Variants in PLA2G4E observed in about 807,000 individuals in gnomAD.
PLA2G4E encodes cytosolic phospholipase A2 epsilon.
Under a neutral mutation model 109.1 loss-of-function variants are expected in PLA2G4E, and 84 were observed. That is an observed-to-expected ratio of 0.77 (90% confidence interval 0.65 to 0.92). The LOEUF (loss-of-function observed/expected upper bound fraction) is 0.92. Ranked by LOEUF, PLA2G4E falls within the 40% of genes least tolerant of loss-of-function variation. The pLI is 0.00. For missense variants in PLA2G4E, 1,057 were observed against 1,076.6 expected, an observed-to-expected ratio of 0.98 and a Z score of 0.25; for synonymous variants, 469 against 436.1, an observed-to-expected ratio of 1.08 and a Z score of -0.94.
At chr15:42,013,589 A>G (rs2068559402) in intron 2 of PLA2G4E, 96 bp downstream of exon 2, 4 of 1,228,022 alleles carry the variant, frequency 3.3e-6, no homozygotes, top group African/African-American at 1.5e-5. Flanking sequence ...GCGCGCGCAC[A>G]CACACACACG....
chr15:42,007,837 G>C, exon 3 of PLA2G4E: 1 of 1,607,702 alleles, frequency 6.2e-7, no homozygotes, highest in Non-Finnish European at 8.5e-7. Flanking sequence ...TGGGCAGCCA[G>C]AGGCTCACAA....
chr15:42,048,432 T>G (rs999353964), intron 1 of PLA2G4E, among the ~76,000 whole-genome samples: 3 of 152,248 alleles, frequency 2.0e-5, no homozygotes, highest in African/African-American at 7.2e-5. Flanking sequence ...TTTTAGAAAT[T>G]ACTTTACACA....
intron 10 of PLA2G4E, chr15:41,997,559 C>T: frequency 4.9e-6 from 1 of 205,696 alleles, no homozygotes; most frequent in East Asian, 1.1e-4. Flanking sequence ...TTTGAGTCCT[C>T]TGTCTCCTCG....
chr15:41,997,081 A>G (rs776908419), intron 11 of PLA2G4E, 43 bp downstream of exon 11: 1 of 1,520,862 alleles, frequency 6.6e-7, no homozygotes, highest in Admixed American at 2.0e-5. Context: ...TGGTGCTGGA[A>G]GGACCAGCTG....
chr15:42,010,214 T>C (rs1378493267), intron 2 of PLA2G4E: 2 of 520,004 alleles, frequency 3.8e-6, no homozygotes, highest in Non-Finnish European at 7.8e-6. Flanking sequence ...GCCAGCTCTA[T>C]ACCTACTGGT....
At chr15:42,040,308 G>T (rs1214653997) in intron 1 of PLA2G4E, among the ~76,000 whole-genome samples, 2 of 152,094 alleles carry the variant, frequency 1.3e-5, no homozygotes, top group Non-Finnish European at 2.9e-5. Context: ...TGACAACATT[G>T]CAAATTAACA....
intron 1 of PLA2G4E, among the ~76,000 whole-genome samples, chr15:42,018,520 G>A (rs1329209075): frequency 6.6e-6 from 1 of 152,144 alleles, no homozygotes; most frequent in Non-Finnish European, 1.5e-5. Context: ...GCATTGGGAG[G>A]GCCCTGGGGT....
At chr15:41,996,198 A>G (rs775498275) in intron 11 of PLA2G4E, among the ~76,000 whole-genome samples, 5 of 151,890 alleles carry the variant, frequency 3.3e-5, no homozygotes, top group African/African-American at 7.3e-5. Context: ...AAATACAAAA[A>G]TTAGCCAGGC....
intron 1 of PLA2G4E, among the ~76,000 whole-genome samples, chr15:42,040,586 A>G (rs4924608): frequency 0.097 from 14,732 of 152,300 alleles, 909 homozygotes; most frequent in Non-Finnish European, 0.13. Context: ...ACAATAATAC[A>G]AGACTAATTT....
chr15:42,005,923 T>TG, intron 4 of PLA2G4E, 67 bp downstream of exon 4: 1 of 1,550,688 alleles, frequency 6.4e-7, no homozygotes, highest in Non-Finnish European at 8.8e-7. Flanking sequence ...AATGGCTTTG[T>TG]GGGAATCAGC....
At chr15:42,036,526 G>C (rs917647370) in intron 1 of PLA2G4E, among the ~76,000 whole-genome samples, 1 of 152,114 alleles carries the variant, frequency 6.6e-6, no homozygotes, top group African/African-American at 2.4e-5. Flanking sequence ...TCTGCTCGGC[G>C]CTGCTCAGGG....
chr15:42,012,723 T>C (rs2141055941), intron 2 of PLA2G4E, among the ~76,000 whole-genome samples: 1 of 152,344 alleles, frequency 6.6e-6, no homozygotes, highest in East Asian at 1.9e-4. Context: ...TATAACTGCT[T>C]TGGACATAGA....
At chr15:41,992,650 C>T (rs1566836994) in intron 13 of PLA2G4E, 87 bp downstream of exon 13, 24 of 1,299,110 alleles carry the variant, frequency 1.8e-5, no homozygotes, top group Non-Finnish European at 2.6e-5. Flanking sequence ...CCCCTGTGTG[C>T]AATGGAAGTC....
At chr15:41,984,500 G>A (rs748712049) in exon 19 of PLA2G4E, 4 of 1,613,962 alleles carry the variant, frequency 2.5e-6, no homozygotes, top group Admixed American at 1.7e-5. Context: ...TGGGGGCATC[G>A]GGTTCCTGGG....
chr15:42,044,551 G>A (rs191720957), intron 1 of PLA2G4E, among the ~76,000 whole-genome samples: 5 of 149,612 alleles, frequency 3.3e-5, no homozygotes, highest in Admixed American at 6.7e-5. Context: ...ACCAAACACC[G>A]CATGTTCTCA....
Position 41,985,934 on chromosome 15 carries a change from AC to A in PLA2G4E, c.2106del (p.Phe703SerfsTer34), listed in dbSNP as rs746222069. The A allele has an allele frequency of 6.2e-7, 1 of 1,607,156 alleles. No homozygotes were observed. The highest frequency in any genetic ancestry group is 8.5e-7 in the Non-Finnish European group (1 of 1,176,770). On this transcript the variant is annotated frameshift_variant, in exon 18 of 20. Transcript: ENST00000399518. LOFTEE classifies it high-confidence loss of function. ...GGCGGGTAGCTGGAGTTGACAAAGAACGCAGTGTCCAGCAGGCACAGGTGGT... is the reference window on the plus strand; with the variant it reads ...GGCGGGTAGCTGGAGTTGACAAAGAAGCAGTGTCCAGCAGGCACAGGTGGT...
chr15:41,994,020 T>C (rs2068295499), intron 12 of PLA2G4E, among the ~76,000 whole-genome samples: 1 of 144,440 alleles, frequency 6.9e-6, no homozygotes, highest in Admixed American at 6.8e-5. Flanking sequence ...CCCCTCAACC[T>C]GCTGGAAGCA....
At chr15:42,020,648 C>A (rs866110808) in intron 1 of PLA2G4E, among the ~76,000 whole-genome samples, 4 of 152,226 alleles carry the variant, frequency 2.6e-5, no homozygotes, top group South Asian at 2.1e-4. Flanking sequence ...TGGGTGCTAG[C>A]CTGGCCCCAG....
chr15:42,023,311 G>T (rs189470028), intron 1 of PLA2G4E, among the ~76,000 whole-genome samples: 36 of 151,662 alleles, frequency 2.4e-4, no homozygotes, highest in African/African-American at 8.5e-4. Context: ...GACCCAGTCT[G>T]CCCTGTGTTC....
Sources: gnomAD v4.1 joint callset for allele counts (sites outside exome capture counted in the v4.1 genomes callset) on GRCh38, gnomAD v4.1.1 for gene constraint, MANE v1.5 for transcripts, NCBI Gene and HGNC (gene_info 2026-07-23, HGNC 2026-07-21) for gene names.